COL24A1: variants seen among roughly 807,000 people sequenced by gnomAD.
The protein encoded by COL24A1 is collagen type XXIV alpha 1 chain.
A neutral mutation model predicts 253.9 loss-of-function variants in COL24A1; 224 were observed. The observed-to-expected ratio is 0.88, with a 90% confidence interval of 0.79 to 0.99. The LOEUF is 0.99. COL24A1 is among the 50% of genes least tolerant of loss of function. COL24A1 has a pLI of 0.00. For missense variants in COL24A1, 2,131 were observed against 2,068.5 expected, an observed-to-expected ratio of 1.03 and a Z score of -0.59; for synonymous variants, 685 against 673.7, an observed-to-expected ratio of 1.02 and a Z score of -0.26.
chr1:86,038,033 CTT>C (rs1254322687), intron 12 of COL24A1, among the ~76,000 whole-genome samples: 8 of 151,910 alleles, frequency 5.3e-5, no homozygotes, highest in Non-Finnish European at 8.8e-5. Context: ...GTATTTTAAA[CTT>C]TATCATTCCA....
At chr1:86,041,738 G>A (rs796363696) in intron 12 of COL24A1, among the ~76,000 whole-genome samples, 12 of 152,164 alleles carry the variant, frequency 7.9e-5, no homozygotes, top group East Asian at 5.8e-4. Context: ...CATCAGATAT[G>A]TTCCAAGAAG....
At chr1:86,030,897 C>T (rs1027275445) in intron 14 of COL24A1, among the ~76,000 whole-genome samples, 2 of 151,920 alleles carry the variant, frequency 1.3e-5, no homozygotes, top group South Asian at 2.1e-4. Flanking sequence ...CATGCCTAGC[C>T]GTGACTTCTT....
intron 52 of COL24A1, among the ~76,000 whole-genome samples, chr1:85,779,231 A>G (rs974353824): frequency 1.3e-5 from 2 of 152,124 alleles, no homozygotes; most frequent in African/African-American, 2.4e-5. Flanking sequence ...CCAATTTCTT[A>G]TAGCAGGAGG....
chr1:85,804,247 T>C (rs1396000402), intron 47 of COL24A1, among the ~76,000 whole-genome samples: 2 of 152,092 alleles, frequency 1.3e-5, no homozygotes, highest in African/African-American at 4.8e-5. Flanking sequence ...TATGAGAATA[T>C]GTGAAAGTGT....
intron 5 of COL24A1, among the ~76,000 whole-genome samples, chr1:86,111,092 G>A (rs901729868): frequency 2.8e-4 from 42 of 151,776 alleles, no homozygotes; most frequent in Non-Finnish European, 5.0e-4. Flanking sequence ...GTCTAGCTCC[G>A]GGTTTGCGGA....
chr1:85,893,230 T>C (rs896764925), intron 31 of COL24A1, among the ~76,000 whole-genome samples: 1 of 152,054 alleles, frequency 6.6e-6, no homozygotes, highest in Non-Finnish European at 1.5e-5. Flanking sequence ...AGATAACATA[T>C]ACTTCACAAC....
At position 85,896,428 on chromosome 1, in the gene COL24A1, T is replaced by C. The variant is rs759364176; in HGVS notation, c.2779-19A>G. 5 of 1,599,932 alleles carry C rather than the reference T, an allele frequency of 3.1e-6. No homozygotes were observed. Among genetic ancestry groups the C allele is most frequent in the African/African-American group, 2.7e-5 (2 of 74,570 alleles). Reference sequence around the variant, plus strand: ...TTGATCCCTAGAGGTGAAAAAAATATCCTGTTGTTAATTTGAAATGTTCCT... The same window carrying C: ...TTGATCCCTAGAGGTGAAAAAAATACCCTGTTGTTAATTTGAAATGTTCCT... On this transcript the variant is annotated intron_variant, in intron 28 of 59. Transcript: ENST00000370571.
chr1:86,013,116 A>G (rs1024341084), intron 19 of COL24A1, among the ~76,000 whole-genome samples: 10 of 152,334 alleles, frequency 6.6e-5, no homozygotes, highest in Middle Eastern at 3.4e-3. Flanking sequence ...GAATTGAAGT[A>G]ATTTGCTCAA....
intron 45 of COL24A1, 143 bp from the exon 46 acceptor site, chr1:85,818,230 C>G: frequency 5.1e-6 from 3 of 593,546 alleles, no homozygotes; most frequent in East Asian, 2.7e-5. Context: ...ATTTAATTTT[C>G]CTGGGAGTCA....
intron 32 of COL24A1, among the ~76,000 whole-genome samples, chr1:85,886,848 T>C (rs550852761): frequency 1.3e-5 from 2 of 152,328 alleles, no homozygotes; most frequent in East Asian, 3.9e-4. Flanking sequence ...ATTTTTTGTT[T>C]AGATTTTTAC....
intron 13 of COL24A1, among the ~76,000 whole-genome samples, chr1:86,033,435 T>C (rs905484320): frequency 3.9e-5 from 6 of 152,138 alleles, no homozygotes; most frequent in African/African-American, 9.7e-5. Flanking sequence ...TAACTCTTTC[T>C]CAATCTGAAC....
rs139554259 is a variant in COL24A1 at position 85,746,950 on chromosome 1, C to T, written c.4438-1444G>A. 2.5e-3 allele frequency among the ~76,000 whole-genome samples: 382 copies of T among 152,178 alleles called. 1 individual carries two copies. Among genetic ancestry groups the T allele is most frequent in the African/African-American group, 8.6e-3 (358 of 41,518 alleles). On this transcript the variant is annotated intron_variant, in intron 55 of 59. Coordinates refer to ENST00000370571, the MANE Select transcript of COL24A1 (RefSeq NM_152890.7). ...ACCATAGCCACCTTTATGTTGTTCA[C>T]TTGGTCCCCTGCTGGTGATTATGGG...
intron 5 of COL24A1, among the ~76,000 whole-genome samples, chr1:86,104,811 A>G (rs1272656833): frequency 6.6e-6 from 1 of 152,200 alleles, no homozygotes; most frequent in Non-Finnish European, 1.5e-5. Flanking sequence ...TGCTAGCCAA[A>G]GTGTTTCATA....
At chr1:85,950,833 GA>G (rs1270272708) in intron 24 of COL24A1, among the ~76,000 whole-genome samples, 2 of 152,106 alleles carry the variant, frequency 1.3e-5, no homozygotes, top group South Asian at 2.1e-4. Context: ...TTGACTTGTA[GA>G]AAAAAAAGTA....
intron 24 of COL24A1, among the ~76,000 whole-genome samples, chr1:85,939,215 A>G (rs1688509727): frequency 1.3e-5 from 2 of 152,180 alleles, no homozygotes; most frequent in African/African-American, 2.4e-5. Flanking sequence ...GGAAACAACT[A>G]AGATAGAATC....
In COL24A1 at chr1:85,896,199, C is replaced by T. The variant is rs1223946141; in HGVS notation, c.2833-134G>A. On this transcript the variant is annotated intron_variant, in intron 29 of 59. Coordinates refer to ENST00000370571, the MANE Select transcript of COL24A1 (RefSeq NM_152890.7). Reference sequence around the variant, plus strand: ...GTTCATTATTGAAAAGAAAACATCTCTGCCTGTGTAGTAAAAACTTTATGC... The same window carrying T: ...GTTCATTATTGAAAAGAAAACATCTTTGCCTGTGTAGTAAAAACTTTATGC... The T allele has an allele frequency of 2.5e-6, 3 of 1,180,398 alleles. No homozygotes were observed. In the Admixed American group the frequency reaches 7.4e-5, roughly 29 times the overall value. 73.1% of individuals were successfully genotyped at this position (1,180,398 alleles called of 1,614,324 possible).
chr1:86,093,568 A>C (rs528586732), intron 5 of COL24A1, among the ~76,000 whole-genome samples: 1 of 152,256 alleles, frequency 6.6e-6, no homozygotes, highest in African/African-American at 2.4e-5. Flanking sequence ...ATGATTTAGT[A>C]CATAGGCACA....
intron 28 of COL24A1, among the ~76,000 whole-genome samples, chr1:85,900,824 C>T (rs1684211260): frequency 6.6e-6 from 1 of 152,084 alleles, no homozygotes; most frequent in Non-Finnish European, 1.5e-5. Context: ...TGGATGGCCT[C>T]TTCAATAAAT....
At chr1:85,865,121 C>T (rs550431430) in intron 37 of COL24A1, among the ~76,000 whole-genome samples, 2 of 151,710 alleles carry the variant, frequency 1.3e-5, no homozygotes, top group East Asian at 1.9e-4. Flanking sequence ...TCTCATTCTG[C>T]AGTCCTCTAG....
Sources: gnomAD v4.1 joint callset for allele counts (sites outside exome capture counted in the v4.1 genomes callset) on GRCh38, gnomAD v4.1.1 for gene constraint, MANE v1.5 for transcripts, NCBI Gene and HGNC (gene_info 2026-07-23, HGNC 2026-07-21) for gene names.